Variants in NCAPD3 observed in about 807,000 individuals in gnomAD.
The protein encoded by NCAPD3 is non-SMC condensin II complex subunit D3.
A neutral mutation model predicts 182.9 loss-of-function variants in NCAPD3; 105 were observed. That is an observed-to-expected ratio of 0.57 (90% CI 0.49 to 0.68). NCAPD3 has a LOEUF of 0.68. NCAPD3 is among the 30% of genes least tolerant of loss of function. The pLI is 0.00. For missense variants in NCAPD3, 1,944 were observed against 1,837.0 expected (o/e 1.06, Z -1.07); for synonymous variants, 815 against 679.9 (o/e 1.20, Z -3.09).
chr11:134,165,448 G>A (rs1046994871), intron 27 of NCAPD3, among the ~76,000 whole-genome samples: 3 of 148,930 alleles, frequency 2.0e-5, no homozygotes, highest in Non-Finnish European at 3.0e-5. Flanking sequence ...ATGAGCTTAG[G>A]GGAGTGGCAC....
intron 22 of NCAPD3, 184 bp from the exon 23 acceptor site, chr11:134,177,641 C>A (rs1050981306): frequency 5.0e-6 from 3 of 596,876 alleles, no homozygotes; most frequent in East Asian, 2.8e-5. Context: ...AATAAAAATA[C>A]CTAAGGAGAA....
chr11:134,205,733 G>C (rs1402548250), intron 8 of NCAPD3, among the ~76,000 whole-genome samples: 1 of 152,176 alleles, frequency 6.6e-6, no homozygotes, highest in Non-Finnish European at 1.5e-5. Context: ...ATGTTTATCT[G>C]TAACATTACA....
At chr11:134,185,786 A>G (rs1055894106) in intron 16 of NCAPD3, 11 of 273,348 alleles carry the variant, frequency 4.0e-5, no homozygotes, top group African/African-American at 1.1e-4. Flanking sequence ...AAATTTCACA[A>G]TTCATTTCAG....
Position 134,152,965 on chromosome 11 carries a change from G to C in NCAPD3, c.4476C>G (p.Thr1492=). Residue 1492 remains threonine, a synonymous_variant, in exon 35 of 35, where the codon ACC becomes ACG. Transcript: ENST00000534548. ...PACSRRSLRK[T]PLKTAN ...CTGTTTAGTTGGCTGTTTTCAGAGG[G>C]GTCTTTCGGAGGGACCTCCTGCTGC... 1 of 1,563,628 alleles carries C rather than the reference G, an allele frequency of 6.4e-7. No individual in the cohort carries two copies. Among genetic ancestry groups the C allele is most frequent in the Non-Finnish European group, 8.7e-7 (1 of 1,155,212 alleles).
chr11:134,188,467 T>C (rs1015537281), intron 16 of NCAPD3, among the ~76,000 whole-genome samples: 3 of 152,116 alleles, frequency 2.0e-5, no homozygotes, highest in African/African-American at 7.3e-5. Context: ...GTTCTTTCGC[T>C]CTTCACAGTA....
chr11:134,170,003 G>A (rs1943967990), intron 24 of NCAPD3, among the ~76,000 whole-genome samples: 1 of 152,246 alleles, frequency 6.6e-6, no homozygotes, highest in South Asian at 2.1e-4. Flanking sequence ...GCTCTGGAGG[G>A]CATTGGGACT....
intron 20 of NCAPD3, 132 bp from the exon 21 acceptor site, chr11:134,179,068 T>C (rs971033706): frequency 4.8e-6 from 3 of 626,340 alleles, no homozygotes; most frequent in Admixed American, 2.8e-5. Context: ...TTTCGTTTCA[T>C]AAAAATACAT....
In NCAPD3 at chr11:134,152,946, A is replaced by AGTT; in HGVS notation, c.4492_4494dup (p.Asn1498dup). 1 of 1,547,966 alleles carries AGTT rather than the reference A, an allele frequency of 6.5e-7. No homozygotes were observed. Among genetic ancestry groups the AGTT allele is most frequent in the Non-Finnish European group, 8.7e-7 (1 of 1,148,094 alleles). On this transcript the variant is annotated inframe_insertion, in exon 35 of 35. Transcript: ENST00000534548. ...TGGACACTGGTGGGAGGCGCTGTTT[A>AGTT]GTTGGCTGTTTTCAGAGGGGTCTTT...
intron 28 of NCAPD3, 48 bp downstream of exon 28, chr11:134,161,733 A>G (rs775664191): frequency 9.0e-7 from 1 of 1,115,144 alleles, no homozygotes; most frequent in East Asian, 2.4e-5. Flanking sequence ...GATCCTAAGT[A>G]ATGAACTGGT....
intron 27 of NCAPD3, among the ~76,000 whole-genome samples, chr11:134,166,682 G>A (rs1943815676): frequency 8.3e-6 from 1 of 121,100 alleles, no homozygotes; most frequent in African/African-American, 3.5e-5. Flanking sequence ...GAGCTTGGGG[G>A]AGGGGCACAC....
intron 20 of NCAPD3, among the ~76,000 whole-genome samples, chr11:134,179,861 A>T (rs1244629288): frequency 2.0e-5 from 3 of 152,226 alleles, no homozygotes; most frequent in Non-Finnish European, 2.9e-5. Context: ...CCAATAACAA[A>T]GTATATGAGT....
intron 25 of NCAPD3, 26 bp from the exon 26 acceptor site, chr11:134,168,628 T>G: frequency 6.2e-7 from 1 of 1,613,674 alleles, no homozygotes; most frequent in African/African-American, 1.3e-5. Flanking sequence ...ACAAGTTCAC[T>G]GCATCACATG....
chr11:134,203,103 G>A, intron 12 of NCAPD3, 39 bp downstream of exon 12: 2 of 1,448,438 alleles, frequency 1.4e-6, no homozygotes, highest in Non-Finnish European at 1.9e-6. Context: ...ATTTTTAAAA[G>A]ATAATCATTC....
chr11:134,188,906 C>T (rs1466365558), intron 16 of NCAPD3, among the ~76,000 whole-genome samples: 1 of 152,150 alleles, frequency 6.6e-6, no homozygotes, highest in African/African-American at 2.4e-5. Flanking sequence ...CATGAGGTCA[C>T]AGCCAAGGAG....
chr11:134,160,869 T>A (rs982045325), intron 28 of NCAPD3, among the ~76,000 whole-genome samples: 1 of 151,872 alleles, frequency 6.6e-6, no homozygotes, highest in Non-Finnish European at 1.5e-5. Flanking sequence ...CCATCCTGTG[T>A]GTGTGCTCAC....
chr11:134,194,001 T>C lies in NCAPD3; in HGVS notation c.1824+15A>G. 1.9e-6 allele frequency: 3 copies of C among 1,604,922 alleles called. No homozygotes were observed. Among genetic ancestry groups the C allele is most frequent in the Middle Eastern group, 1.7e-4 (1 of 6,000 alleles). Reference sequence around the variant, plus strand: ...AAAATACCATGCATTACATATATAATGTCCTGCCTCTCACCATAAGGAGTT... The same window carrying C: ...AAAATACCATGCATTACATATATAACGTCCTGCCTCTCACCATAAGGAGTT... On this transcript the variant is annotated intron_variant, in intron 15 of 34. Coordinates refer to ENST00000534548, the MANE Select transcript of NCAPD3 (RefSeq NM_015261.3).
rs116095672 is a variant in NCAPD3 at position 134,211,487 on chromosome 11, A to C, written c.383-1033T>G. ...ACACAGCAAAACCCTGTCTTTACAA[A>C]AAATACAGGGGGAAAAAAAACAACA... is the stretch of plus-strand genomic sequence containing the variant. On this transcript the variant is annotated intron_variant, in intron 3 of 34. Transcript: ENST00000534548. Among the ~76,000 whole-genome samples, 636 of 152,278 alleles carry C rather than the reference A, an allele frequency of 4.2e-3. 4 individuals are homozygous for C. The highest frequency in any genetic ancestry group is 0.015 in the African/African-American group (610 of 41,544).
Position 134,151,627 on chromosome 11 carries a change from G to A in NCAPD3, c.*1317C>T, listed in dbSNP as rs779132451. 8 of 152,164 alleles carry A rather than the reference G, an allele frequency of 5.3e-5. No individual in the cohort carries two copies. Among genetic ancestry groups the A allele is most frequent in the African/African-American group, 9.7e-5 (4 of 41,406 alleles). The allele number at this position is 152,164 out of a possible 1,614,324, so 9.4% of individuals were successfully genotyped here. ...ATATGAATGTGACTCAAGACTCGAG[G>A]CCGATACGAGGCTGTGATTCTGCCT... On this transcript the variant is annotated 3_prime_UTR_variant, in exon 35 of 35. Transcript: ENST00000534548.
At chr11:134,165,347 CATG>C (rs1374989979) in intron 27 of NCAPD3, among the ~76,000 whole-genome samples, 4 of 149,108 alleles carry the variant, frequency 2.7e-5, no homozygotes, top group Admixed American at 2.0e-4. Flanking sequence ...GGGGCACACT[CATG>C]AGCTTGGGAA....
Sources: gnomAD v4.1 joint callset for allele counts (sites outside exome capture counted in the v4.1 genomes callset) on GRCh38, gnomAD v4.1.1 for gene constraint, MANE v1.5 for transcripts, NCBI Gene and HGNC (gene_info 2026-07-23, HGNC 2026-07-21) for gene names.